SDK1: variants seen among roughly 807,000 people sequenced by gnomAD.
SDK1 encodes protein sidekick-1.
In SDK1, 157 loss-of-function variants were observed where a neutral mutation model predicts 245.5. The ratio of observed to expected loss-of-function variants is 0.64; its 90% CI spans 0.56 to 0.73. The LOEUF (loss-of-function observed/expected upper bound fraction) is 0.73, where lower values mean the gene tolerates loss of function less well. Ranked by LOEUF, SDK1 falls within the 30% of genes least tolerant of loss-of-function variation. The probability of loss-of-function intolerance (pLI) is 0.00; values close to 1 mark genes in which losing one functional copy is unlikely to be tolerated. For synonymous variants in SDK1, 1,647 were observed against 1,278.5 expected (o/e 1.29, Z -6.15); for missense variants, 3,583 against 3,002.3 (o/e 1.19, Z -4.52).
chr7:3,579,766 G>T (rs1780421942), intron 1 of SDK1, among the ~76,000 whole-genome samples: 1 of 152,096 alleles, frequency 6.6e-6, no homozygotes, highest in South Asian at 2.1e-4. Flanking sequence ...CCCCAAAGAG[G>T]TAAAAACAGG....
At chr7:3,867,395 A>G (rs965795794) in intron 5 of SDK1, among the ~76,000 whole-genome samples, 13 of 152,208 alleles carry the variant, frequency 8.5e-5, no homozygotes, top group African/African-American at 2.9e-4. Flanking sequence ...AACCTAATGT[A>G]TTAGTCCATT....
intron 7 of SDK1, among the ~76,000 whole-genome samples, chr7:3,957,569 A>T (rs1323819113): frequency 6.6e-6 from 1 of 152,158 alleles, no homozygotes; most frequent in African/African-American, 2.4e-5. Flanking sequence ...TTTTCCTTCC[A>T]TGCTTTTAAT....
intron 1 of SDK1, among the ~76,000 whole-genome samples, chr7:3,563,567 A>T (rs1392010501): frequency 6.6e-6 from 1 of 152,244 alleles, no homozygotes; most frequent in Non-Finnish European, 1.5e-5. Context: ...ATCCAGCAAC[A>T]ATTGACAGAA....
At chr7:3,640,918 G>A (rs1167382189) in intron 3 of SDK1, among the ~76,000 whole-genome samples, 3 of 151,956 alleles carry the variant, frequency 2.0e-5, no homozygotes, top group Admixed American at 6.6e-5. Context: ...TCCTGACCTC[G>A]TGATCCACCC....
intron 32 of SDK1, among the ~76,000 whole-genome samples, chr7:4,168,337 T>G (rs1781624716): frequency 6.6e-6 from 1 of 152,228 alleles, no homozygotes; most frequent in Non-Finnish European, 1.5e-5. Flanking sequence ...CCCAGCCCGG[T>G]GGCTGACGGA....
chr7:3,413,442 C>T (rs928931392), intron 1 of SDK1, among the ~76,000 whole-genome samples: 6 of 152,196 alleles, frequency 3.9e-5, no homozygotes, highest in Non-Finnish European at 7.3e-5. Context: ...CATCTGTAAT[C>T]CCAGCACTTT....
intron 14 of SDK1, among the ~76,000 whole-genome samples, chr7:3,996,455 A>T (rs1040521486): frequency 2.0e-5 from 3 of 152,182 alleles, no homozygotes; most frequent in African/African-American, 7.2e-5. Context: ...AAATTGTTTT[A>T]TGAGAAGTGA....
rs114603027 is a variant in SDK1 at position 3,332,108 on chromosome 7, A to G, written c.298+30224A>G. 1.1e-3 allele frequency among the ~76,000 whole-genome samples: 165 copies of G among 152,342 alleles called. 2 individuals are homozygous for G. Among genetic ancestry groups the G allele is most frequent in the African/African-American group, 3.8e-3 (157 of 41,582 alleles). ...TTTATTCAAACTATTATTTTCTTAA[A>G]AGTTAATATGTCTAAAGTTTTTGAA... On this transcript the variant is annotated intron_variant, in intron 1 of 44. Coordinates refer to ENST00000404826, the MANE Select transcript of SDK1 (RefSeq NM_152744.4).
intron 17 of SDK1, among the ~76,000 whole-genome samples, chr7:4,028,339 A>G (rs1218029040): frequency 1.3e-5 from 2 of 152,182 alleles, no homozygotes; most frequent in African/African-American, 4.8e-5. Flanking sequence ...GCTTGTACCC[A>G]CGGAGGATCA....
At chr7:3,334,875 T>A (rs903238509) in intron 1 of SDK1, among the ~76,000 whole-genome samples, 3 of 152,096 alleles carry the variant, frequency 2.0e-5, no homozygotes, top group African/African-American at 7.2e-5. Context: ...CACTCTTGAT[T>A]TTTCTTTTTT....
chr7:3,743,811 T>C (rs1033852975), intron 4 of SDK1, among the ~76,000 whole-genome samples: 3 of 152,216 alleles, frequency 2.0e-5, no homozygotes, highest in East Asian at 3.9e-4. Flanking sequence ...TTGGATATCA[T>C]TGTATGAAAG....
chr7:3,819,000 G>A (rs1027300843), intron 4 of SDK1, among the ~76,000 whole-genome samples: 1 of 152,192 alleles, frequency 6.6e-6, no homozygotes, highest in African/African-American at 2.4e-5. Flanking sequence ...CACGATACTT[G>A]CTTTAGTGTC....
chr7:4,218,265 C>T (rs1401582458), intron 38 of SDK1, among the ~76,000 whole-genome samples: 2 of 152,088 alleles, frequency 1.3e-5, no homozygotes, highest in Non-Finnish European at 2.9e-5. Context: ...TGGTGGCATG[C>T]GCCTGTAATC....
chr7:4,062,862 T>A (rs1183239066), intron 19 of SDK1, among the ~76,000 whole-genome samples: 1 of 152,192 alleles, frequency 6.6e-6, no homozygotes. Context: ...AACCATGTGA[T>A]CATCTCAACA....
intron 14 of SDK1, among the ~76,000 whole-genome samples, chr7:4,007,397 G>A (rs990767557): frequency 2.6e-5 from 4 of 152,064 alleles, no homozygotes; most frequent in South Asian, 2.1e-4. Context: ...GGAAGAAAGA[G>A]CCTTACATTT....
chr7:3,390,563 G>A (rs929915109), intron 1 of SDK1, among the ~76,000 whole-genome samples: 2 of 152,166 alleles, frequency 1.3e-5, no homozygotes, highest in Non-Finnish European at 1.5e-5. Context: ...ATAAGATGAG[G>A]TCATACAGGA....
chr7:3,549,398 T>C (rs1562555751), intron 1 of SDK1, among the ~76,000 whole-genome samples: 1 of 152,250 alleles, frequency 6.6e-6, no homozygotes, highest in East Asian at 1.9e-4. Context: ...GTATTTGATA[T>C]ACATAGAATT....
intron 1 of SDK1, among the ~76,000 whole-genome samples, chr7:3,533,246 C>T (rs1783409540): frequency 1.3e-5 from 2 of 152,066 alleles, no homozygotes; most frequent in South Asian, 4.1e-4. Context: ...ATCCTATTTC[C>T]AACATGTGGT....
Position 3,901,333 on chromosome 7 carries a change from T to C in SDK1, c.848-49590T>C, listed in dbSNP as rs185597911. On this transcript the variant is annotated intron_variant, in intron 5 of 44. Coordinates refer to ENST00000404826, the MANE Select transcript of SDK1 (RefSeq NM_152744.4). ...TCCCGAGTAGCTGGGACTACAGGCA[T>C]GTGCCACCACGCCCGGTTAATTTTT... 1.2e-3 allele frequency among the ~76,000 whole-genome samples: 182 copies of C among 152,196 alleles called. 1 individual carries two copies. The East Asian group carries it at 0.034, about 29-fold the overall frequency.
Sources: gnomAD v4.1 joint callset for allele counts (sites outside exome capture counted in the v4.1 genomes callset) on GRCh38, gnomAD v4.1.1 for gene constraint, MANE v1.5 for transcripts, NCBI Gene and HGNC (gene_info 2026-07-23, HGNC 2026-07-21) for gene names.